The following CAPN1 variants were observed in gnomAD, a reference collection of about 807,000 sequenced individuals.
The protein encoded by CAPN1 is calpain 1, also known as calpain-1 catalytic subunit.
A neutral mutation model predicts 105.2 loss-of-function variants in CAPN1; 77 were observed. That is an observed-to-expected ratio of 0.73 (90% CI 0.61 to 0.88). The LOEUF is 0.88. Ranked by LOEUF, CAPN1 falls within the 40% of genes least tolerant of loss-of-function variation. The probability of loss-of-function intolerance (pLI) is 0.00; values close to 1 mark genes in which losing one functional copy is unlikely to be tolerated. For synonymous variants in CAPN1, 355 were observed against 388.8 expected, an observed-to-expected ratio of 0.91 and a Z score of 1.02; for missense variants, 833 against 976.6, an observed-to-expected ratio of 0.85 and a Z score of 1.96.
chr11:65,185,331 G>T (rs1165620876), intron 4 of CAPN1, among the ~76,000 whole-genome samples: 7 of 151,880 alleles, frequency 4.6e-5, no homozygotes, highest in Admixed American at 4.6e-4. Context: ...GAGAAAAGGG[G>T]GCCTGGGTAG....
chr11:65,200,642 C>T (rs1193884628), intron 10 of CAPN1, among the ~76,000 whole-genome samples: 2 of 152,004 alleles, frequency 1.3e-5, no homozygotes, highest in African/African-American at 2.4e-5. Flanking sequence ...CGTGCCCGGC[C>T]GCCTTGTTCT....
At chr11:65,204,947 G>A in intron 11 of CAPN1, 89 bp downstream of exon 11, 3 of 1,100,010 alleles carry the variant, frequency 2.7e-6, no homozygotes, top group Non-Finnish European at 3.9e-6. Flanking sequence ...TTCCACCAGG[G>A]GGCGCCAGGG....
In CAPN1 at chr11:65,210,160, C is replaced by T. The variant is rs117450635; in HGVS notation, c.1942+64C>T. 5.6e-3 allele frequency: 7,913 copies of T among 1,405,240 alleles called. 45 individuals carry two copies. The highest frequency in any genetic ancestry group is 0.012 in the Middle Eastern group (62 of 5,378). 87.0% of individuals were successfully genotyped at this position (1,405,240 alleles called of 1,614,324 possible). On this transcript the variant is annotated intron_variant, in intron 19 of 21. Transcript: ENST00000279247. This position sits in a 1 kb window ranked among gnomAD's most constrained non-coding sequence, Gnocchi z 4.3. ...ACAGGTAGCCCCACTGCTCCTATGC[C>T]CCAGGCCCTTGTCCCTGGGGTGCTA...
In CAPN1 at chr11:65,186,012, C is replaced by T. The variant is rs761734083; in HGVS notation, c.552C>T (p.Asn184=). Residue 184 remains asparagine, a synonymous_variant, in exon 5 of 22, where the codon AAC becomes AAT. Coordinates refer to ENST00000279247, the MANE Select transcript of CAPN1 (RefSeq NM_005186.4). ...TGTTCGTGCACTCTGCCGAAGGCAA[C>T]GAGTTCTGGAGCGCCCTGCTTGAGA... is the stretch of plus-strand genomic sequence containing the variant. ...KLVFVHSAEG[N]EFWSALLEKA... is the part of the protein sequence containing the mutation. 3 of 1,610,556 alleles carry T rather than the reference C, an allele frequency of 1.9e-6. No homozygotes were observed. The highest frequency in any genetic ancestry group is 1.7e-5 in the Admixed American group (1 of 59,422).
chr11:65,186,167 CA>C lies in CAPN1; in HGVS notation c.591-2del. On this transcript the variant is annotated splice_acceptor_variant, in intron 5 of 21. Coordinates refer to ENST00000279247, the MANE Select transcript of CAPN1 (RefSeq NM_005186.4). LOFTEE classifies it high-confidence loss of function. Reference sequence around the variant, plus strand: ...CAGAGTGCTGACCTGGAGCTGCCCACAGGGTAAATGGCAGCTACGAGGCCCT... The same window carrying C: ...CAGAGTGCTGACCTGGAGCTGCCCACGGGTAAATGGCAGCTACGAGGCCCT... The C allele has an allele frequency of 6.2e-7, 1 of 1,612,418 alleles. No homozygotes were observed.
chr11:65,187,349 C>A, intron 7 of CAPN1, 51 bp downstream of exon 7: 1 of 1,273,790 alleles, frequency 7.9e-7, no homozygotes, highest in Non-Finnish European at 1.1e-6. Context: ...GCCCCCTGGC[C>A]TGTCCTTGCC....
In CAPN1 at chr11:65,182,901, G is replaced by A. The variant is rs765955979; in HGVS notation, c.200G>A (p.Ser67Asn). 2.5e-6 allele frequency: 4 copies of A among 1,609,316 alleles called. No homozygotes were observed. Among genetic ancestry groups the A allele is most frequent in the Non-Finnish European group, 1.7e-6 (2 of 1,177,886 alleles). ...GAGGCCTTCCCCCCGGTACCCCAGA[G>A]CCTGGGTTACAAGGACCTGGGTCCC... ...RDEAFPPVPQ[S>N]LGYKDLGPNS... The change falls in exon 2 of 22, where the codon AGC becomes AAC. Residue 67 changes from serine to asparagine, a missense_variant. Physicochemically the swap from Ser to Asn is conservative, Grantham distance 46. Coordinates refer to ENST00000279247, the MANE Select transcript of CAPN1 (RefSeq NM_005186.4).
At chr11:65,203,925 T>C (rs7114754) in intron 10 of CAPN1, among the ~76,000 whole-genome samples, 10,093 of 152,160 alleles carry the variant, frequency 0.066, 467 homozygotes, top group East Asian at 0.21. Context: ...AGTGGCTTAT[T>C]AGTGCCTTTA....
chr11:65,209,667 C>A lies in CAPN1; in HGVS notation c.1795-182C>A. 1 of 669,990 alleles carries A rather than the reference C, an allele frequency of 1.5e-6. No individual in the cohort carries two copies. 41.5% of individuals were successfully genotyped at this position (669,990 alleles called of 1,614,324 possible). On this transcript the variant is annotated intron_variant, in intron 17 of 21. Transcript: ENST00000279247. This position sits in a 1 kb window ranked among gnomAD's most constrained non-coding sequence, Gnocchi z 4.1. Reference sequence around the variant, plus strand: ...GACCCCTCCCCAGCCCACTCCACTGCAGCCCAGCTCAGAGAATAAGGCAAG... The same window carrying A: ...GACCCCTCCCCAGCCCACTCCACTGAAGCCCAGCTCAGAGAATAAGGCAAG...
chr11:65,207,245 G>C (rs1019324699), intron 14 of CAPN1, among the ~76,000 whole-genome samples: 2 of 148,268 alleles, frequency 1.3e-5, no homozygotes, highest in Admixed American at 1.3e-4. Flanking sequence ...TGTCACCCAG[G>C]CTGGAGTGCA....
intron 12 of CAPN1, chr11:65,205,935 C>G: frequency 3.4e-6 from 2 of 584,456 alleles, no homozygotes; most frequent in South Asian, 4.1e-5. Flanking sequence ...TGGATTTGAG[C>G]CCTGGTCCTC....
chr11:65,190,044 A>AC (rs1313620039), intron 10 of CAPN1, among the ~76,000 whole-genome samples: 2 of 151,818 alleles, frequency 1.3e-5, no homozygotes, highest in Non-Finnish European at 2.9e-5. Flanking sequence ...GTTCATGGGG[A>AC]CCCCCACGTC....
chr11:65,203,948 G>A (rs1480980703), intron 10 of CAPN1, among the ~76,000 whole-genome samples: 1 of 152,000 alleles, frequency 6.6e-6, no homozygotes, highest in Non-Finnish European at 1.5e-5. Flanking sequence ...AATAAGTTTT[G>A]CAGTTTACCG....
Position 65,190,380 on chromosome 11 carries a change from T to C in CAPN1, c.1165+1634T>C, listed in dbSNP as rs376919344. 2.6e-4 allele frequency among the ~76,000 whole-genome samples: 39 copies of C among 152,344 alleles called. No homozygotes were observed. The South Asian group carries it at 7.9e-3, about 31-fold the overall frequency. On this transcript the variant is annotated intron_variant, in intron 10 of 21. Transcript: ENST00000279247. ...CGCTGCTCTGTCCTCCTGTGCTGCA[T>C]CCTCAGCACGGCTCCCTGCCCTCTG...
rs1486427741 is a variant in CAPN1, at chr11:65,208,278, G to A, written c.1729+16G>A. 1 of 1,553,970 alleles carries A rather than the reference G, an allele frequency of 6.4e-7. No homozygotes were observed. The highest frequency in any genetic ancestry group is 2.4e-5 in the East Asian group (1 of 41,140). ...ATCAGCAAACGTGAGTCCCCGCGGG[G>A]CTGTCCCACCACCCCACCATTTCTT... is the stretch of plus-strand genomic sequence containing the variant. On this transcript the variant is annotated intron_variant, in intron 16 of 21. Coordinates refer to ENST00000279247, the MANE Select transcript of CAPN1 (RefSeq NM_005186.4). This position sits in a 1 kb window ranked among gnomAD's most constrained non-coding sequence, Gnocchi z 4.1.
Position 65,204,798 on chromosome 11 carries a change from C to T in CAPN1, c.1281C>T (p.His427=). The T allele has an allele frequency of 6.2e-7, 1 of 1,612,766 alleles. No homozygotes were observed. The highest frequency in any genetic ancestry group is 1.1e-5 in the South Asian group (1 of 91,078). The part of the protein sequence containing the change: ...CSFVLALMQK[H]RRRERRFGRD... Reference sequence around the variant, plus strand: ...TCGTGCTCGCCCTTATGCAGAAGCACCGTCGCCGCGAGCGCCGCTTCGGCC... The same window carrying T: ...TCGTGCTCGCCCTTATGCAGAAGCATCGTCGCCGCGAGCGCCGCTTCGGCC... The change falls in exon 11 of 22, where the codon CAC becomes CAT. Residue 427 remains histidine, a synonymous_variant. Coordinates refer to ENST00000279247, the MANE Select transcript of CAPN1 (RefSeq NM_005186.4).
At position 65,188,288 on chromosome 11, in the gene CAPN1, G is replaced by GC; in HGVS notation, c.930-125dup. 1.2e-6 allele frequency: 1 copy of GC among 835,364 alleles called. No individual in the cohort carries two copies. The highest frequency in any genetic ancestry group is 1.9e-6 in the Non-Finnish European group (1 of 530,014). 51.7% of individuals were successfully genotyped at this position (835,364 alleles called of 1,614,324 possible). On this transcript the variant is annotated intron_variant, in intron 8 of 21. Transcript: ENST00000279247. This position sits in a 1 kb window ranked among gnomAD's most constrained non-coding sequence, Gnocchi z 5.5. ...ACCACCCCCTAGAAGCGGAACCTTG[G>GC]CGCTTGACCTTGAGGAGGCCACCTG...
intron 10 of CAPN1, among the ~76,000 whole-genome samples, chr11:65,200,919 C>G (rs187086980): frequency 1.4e-5 from 2 of 146,676 alleles, no homozygotes; most frequent in African/African-American, 5.1e-5. Flanking sequence ...CAGATCCATG[C>G]CACCATGCCT....
At chr11:65,187,443 C>A in intron 7 of CAPN1, 145 bp downstream of exon 7, 1 of 629,942 alleles carries the variant, frequency 1.6e-6, no homozygotes, top group Non-Finnish European at 2.8e-6. Flanking sequence ...CTGGGGACAC[C>A]CATCTGAGAT....
Sources: gnomAD v4.1 joint callset for allele counts (sites outside exome capture counted in the v4.1 genomes callset) on GRCh38, gnomAD v4.1.1 for gene constraint, Gnocchi (gnomAD v3.1) non-coding constraint, MANE v1.5 for transcripts, NCBI Gene and HGNC (gene_info 2026-07-23, HGNC 2026-07-21) for gene names.